The following BRWD1 variants were observed in gnomAD, a reference collection of about 807,000 sequenced individuals.
BRWD1 encodes the protein bromodomain and WD repeat domain containing 1, also known as bromodomain and WD repeat-containing protein 1.
A neutral mutation model predicts 251.2 loss-of-function variants in BRWD1; 82 were observed. The observed-to-expected ratio is 0.33, with a 90% CI of 0.27 to 0.39. BRWD1 has a LOEUF of 0.39. Ranked by LOEUF, BRWD1 falls within the 10% of genes least tolerant of loss-of-function variation. The pLI is 1.00. For missense variants in BRWD1, 2,233 were observed against 2,711.6 expected (o/e 0.82, Z 3.92); for synonymous variants, 918 against 902.8 (o/e 1.02, Z -0.30).
intron 28 of BRWD1, 123 bp downstream of exon 28, chr21:39,224,963 G>C (rs906018977): frequency 2.1e-5 from 15 of 719,178 alleles, no homozygotes; most frequent in Non-Finnish European, 3.1e-5. Flanking sequence ...TTTCGGGTCA[G>C]CCTGACATGA....
chr21:39,277,253 T>G lies in BRWD1; in HGVS notation c.1102A>C (p.Thr368Pro). 1 of 1,601,616 alleles carries G rather than the reference T, an allele frequency of 6.2e-7. No individual in the cohort carries two copies. Among genetic ancestry groups the G allele is most frequent in the Non-Finnish European group, 8.5e-7 (1 of 1,170,252 alleles). The change falls in exon 11 of 41, where the codon ACT becomes CCT. Residue 368 changes from threonine (T) to proline (P), a missense_variant and splice_region_variant. Thr to Pro is a conservative substitution (Grantham distance 38). Coordinates refer to ENST00000342449, the MANE Select transcript of BRWD1 (RefSeq NM_033656.4). ...PEKIAELESH[T>P]DKVDSIQFCN... ...GATTTTAAAACGTGGATGCTTACAG[T>G]GTGGCTTTCAAGTTCTGCGATTTTT...
chr21:39,228,433 A>G, intron 27 of BRWD1, 67 bp downstream of exon 27: 1 of 1,113,090 alleles, frequency 9.0e-7, no homozygotes, highest in Non-Finnish European at 1.4e-6. Flanking sequence ...TCCCACAGCC[A>G]AAAAGGTAGA....
At chr21:39,289,611 A>G (rs2035744729) in intron 8 of BRWD1, among the ~76,000 whole-genome samples, 1 of 152,216 alleles carries the variant, frequency 6.6e-6, no homozygotes, top group Non-Finnish European at 1.5e-5. Context: ...TATGCATTTA[A>G]TATACTTTCA....
chr21:39,318,138 G>A (rs1472270820), upstream of BRWD1, among the ~76,000 whole-genome samples: 1 of 152,006 alleles, frequency 6.6e-6, no homozygotes, highest in Non-Finnish European at 1.5e-5. Flanking sequence ...GTGAATGAGA[G>A]GAAAATAAAA....
intron 23 of BRWD1, among the ~76,000 whole-genome samples, chr21:39,232,802 A>G (rs1237255532): frequency 6.6e-6 from 1 of 152,128 alleles, no homozygotes; most frequent in Non-Finnish European, 1.5e-5. Flanking sequence ...TTTTACCCAT[A>G]GCCTGTTCTG....
chr21:39,245,314 T>C, intron 21 of BRWD1, among the ~76,000 whole-genome samples: 1 of 152,170 alleles, frequency 6.6e-6, no homozygotes, highest in East Asian at 1.9e-4. Flanking sequence ...TATTAGGCAC[T>C]ATTTAAACAC....
chr21:39,197,663 C>T (rs1311897381), intron 40 of BRWD1, among the ~76,000 whole-genome samples: 2 of 152,094 alleles, frequency 1.3e-5, no homozygotes, highest in Non-Finnish European at 1.5e-5. Context: ...TTACAGTACA[C>T]CCTACTACAC....
chr21:39,286,675 C>T (rs1568954332), intron 8 of BRWD1, among the ~76,000 whole-genome samples: 1 of 151,802 alleles, frequency 6.6e-6, no homozygotes, highest in Non-Finnish European at 1.5e-5. Context: ...CCACCATGCC[C>T]GGCTAATTTT....
chr21:39,225,202 G>A lies in BRWD1; in HGVS notation c.3209-5C>T, dbSNP rs541635947. 1 of 1,586,084 alleles carries A rather than the reference G, an allele frequency of 6.3e-7. No individual in the cohort carries two copies. Among genetic ancestry groups the A allele is most frequent in the African/African-American group, 1.3e-5 (1 of 74,338 alleles). On this transcript the variant is annotated splice_region_variant and splice_polypyrimidine_tract_variant and intron_variant, in intron 27 of 40. Coordinates refer to ENST00000342449, the MANE Select transcript of BRWD1 (RefSeq NM_033656.4). ...TAATAGAGCGGAATCTGTCACCTAG[G>A]AGAGAAATGATCAAGTCTGAGGCAT... is the stretch of plus-strand genomic sequence containing the variant.
Position 39,190,636 on chromosome 21 carries a change from C to CATTTT in BRWD1, c.*5622_*5623insAAAAT, listed in dbSNP as rs1448964409. On this transcript the variant is annotated 3_prime_UTR_variant, in exon 41 of 41. Coordinates refer to ENST00000342449, the MANE Select transcript of BRWD1 (RefSeq NM_033656.4). ...TGAAATGACCCCAAAACTCAGAAAGCAAATAACATTTATCAATGATCTTCA... is the reference window on the plus strand; with the variant it reads ...TGAAATGACCCCAAAACTCAGAAAGCATTTTAAATAACATTTATCAATGATCTTCA... 1.0e-6 allele frequency: 1 copy of CATTTT among 985,336 alleles called. No homozygotes were observed. The highest frequency in any genetic ancestry group is 1.7e-5 in the African/African-American group (1 of 57,336). 61.0% of individuals were successfully genotyped at this position (985,336 alleles called of 1,614,324 possible).
At chr21:39,311,599 G>A (rs1290457331) in intron 4 of BRWD1, among the ~76,000 whole-genome samples, 2 of 152,182 alleles carry the variant, frequency 1.3e-5, no homozygotes, top group African/African-American at 4.8e-5. Flanking sequence ...TATCCGTGAA[G>A]AAAACTAAAA....
chr21:39,201,179 A>T (rs1231709507), intron 38 of BRWD1, among the ~76,000 whole-genome samples: 2 of 152,102 alleles, frequency 1.3e-5, no homozygotes, highest in Non-Finnish European at 1.5e-5. Flanking sequence ...CACGAGAGAA[A>T]GAGTGTGAGA....
chr21:39,205,963 C>CCTA, intron 37 of BRWD1, 145 bp downstream of exon 37: 1 of 735,908 alleles, frequency 1.4e-6, no homozygotes, highest in Non-Finnish European at 2.2e-6. Context: ...GCCTGTAGTC[C>CCTA]CAGCTACTTG....
intron 25 of BRWD1, among the ~76,000 whole-genome samples, chr21:39,231,344 C>G (rs1252934116): frequency 6.6e-6 from 1 of 152,124 alleles, no homozygotes; most frequent in Non-Finnish European, 1.5e-5. Context: ...TAGTAATACA[C>G]TGTGAAAATG....
At chr21:39,257,959 A>C (rs1347625111) in intron 18 of BRWD1, among the ~76,000 whole-genome samples, 1 of 152,214 alleles carries the variant, frequency 6.6e-6, no homozygotes, top group South Asian at 2.1e-4. Context: ...GAAAAAAAGT[A>C]CTATTTTAAA....
At chr21:39,276,132 G>C in intron 12 of BRWD1, 41 bp downstream of exon 12, 1 of 1,545,136 alleles carries the variant, frequency 6.5e-7, no homozygotes, top group African/African-American at 1.4e-5. Flanking sequence ...CATTATATTT[G>C]CCTAATAACA....
rs762053878 is a variant in BRWD1 at position 39,199,134 on chromosome 21, T to C, written c.5282A>G (p.Lys1761Arg). The C allele has an allele frequency of 1.2e-6, 2 of 1,614,070 alleles. No homozygotes were observed. The highest frequency in any genetic ancestry group is 2.2e-5 in the South Asian group (2 of 91,074). Residue 1761 changes from lysine to arginine, a missense_variant, in exon 40 of 41, where the codon AAA becomes AGA. Transcript: ENST00000342449. ...ACATGCATGATCTGAATCATGACTTTTAGAGTCTTCCTCAGAAGACTCTAT... is the reference window on the plus strand; with the variant it reads ...ACATGCATGATCTGAATCATGACTTCTAGAGTCTTCCTCAGAAGACTCTAT... The part of the protein sequence containing the change: ...LKIESSEEDS[K>R]SHDSDHACNR...
chr21:39,314,317 G>A (rs1217154069), upstream of BRWD1: 4 of 455,834 alleles, frequency 8.8e-6, no homozygotes, highest in South Asian at 1.5e-5. Flanking sequence ...CCAGCAGCCC[G>A]GCAGAAAATT....
At chr21:39,296,101 T>C (rs1568965637) in intron 6 of BRWD1, among the ~76,000 whole-genome samples, 164 bp downstream of exon 6, 1 of 152,192 alleles carries the variant, frequency 6.6e-6, no homozygotes, top group Non-Finnish European at 1.5e-5. Context: ...ATTAATTTTA[T>C]TTTTAGTAAT....
Sources: gnomAD v4.1 joint callset for allele counts (sites outside exome capture counted in the v4.1 genomes callset) on GRCh38, gnomAD v4.1.1 for gene constraint, MANE v1.5 for transcripts, NCBI Gene and HGNC (gene_info 2026-07-23, HGNC 2026-07-21) for gene names.